Variants in BRD1 observed in about 807,000 individuals in gnomAD.
The protein encoded by BRD1 is bromodomain containing 1, also known as bromodomain-containing protein 1.
Under a neutral mutation model 107.7 loss-of-function variants are expected in BRD1, and 24 were observed. The ratio of observed to expected loss-of-function variants is 0.22; its 90% confidence interval spans 0.16 to 0.31. BRD1 has a LOEUF of 0.31. BRD1 is among the 10% of genes least tolerant of loss of function. BRD1 has a pLI of 1.00. For synonymous variants in BRD1, 744 were observed against 686.1 expected, an observed-to-expected ratio of 1.08 and a Z score of -1.32; for missense variants, 1,279 against 1,638.6, an observed-to-expected ratio of 0.78 and a Z score of 3.79.
At chr22:49,812,154 A>C (rs1204168300) in intron 2 of BRD1, among the ~76,000 whole-genome samples, 15 of 132,724 alleles carry the variant, frequency 1.1e-4, no homozygotes, top group Non-Finnish European at 2.3e-4. Context: ...CCCAGGCTGG[A>C]GTGCAATGGC....
intron 9 of BRD1, among the ~76,000 whole-genome samples, 170 bp downstream of exon 9, chr22:49,777,508 T>C (rs1306673119): frequency 6.6e-6 from 1 of 152,180 alleles, no homozygotes; most frequent in Non-Finnish European, 1.5e-5. Context: ...AGCAGATTAA[T>C]ATGCAGCATG....
At chr22:49,777,910 C>A in intron 8 of BRD1, 97 bp from the exon 9 acceptor site, 2 of 1,446,860 alleles carry the variant, frequency 1.4e-6, no homozygotes, top group Non-Finnish European at 1.8e-6. Context: ...TTACAAAGCA[C>A]GTTTCACAGA....
chr22:49,820,521 G>A (rs1319449600), intron 2 of BRD1, among the ~76,000 whole-genome samples: 1 of 152,158 alleles, frequency 6.6e-6, no homozygotes, highest in African/African-American at 2.4e-5. Flanking sequence ...CGGGAAGATC[G>A]CTTGAGTCCA....
chr22:49,784,293 C>T (rs1413706902), intron 8 of BRD1, among the ~76,000 whole-genome samples: 11 of 150,162 alleles, frequency 7.3e-5, no homozygotes, highest in East Asian at 6.0e-4. Flanking sequence ...GTCTCCGCAA[C>T]GGCGGCGAGT....
chr22:49,791,313 A>C (rs1008262839), intron 7 of BRD1, among the ~76,000 whole-genome samples: 39 of 152,360 alleles, frequency 2.6e-4, no homozygotes, highest in Admixed American at 7.8e-4. Context: ...AGTGCAGCCC[A>C]GGAGGCATCT....
intron 2 of BRD1, among the ~76,000 whole-genome samples, chr22:49,816,838 G>C (rs1352766677): frequency 6.6e-6 from 1 of 152,210 alleles, no homozygotes; most frequent in Non-Finnish European, 1.5e-5. Context: ...TACCCTGCAG[G>C]GAATAGTAAA....
chr22:49,812,022 A>G (rs1237414450), intron 2 of BRD1, among the ~76,000 whole-genome samples: 1 of 152,258 alleles, frequency 6.6e-6, no homozygotes, highest in Non-Finnish European at 1.5e-5. Context: ...AAATTTAAAA[A>G]TACGTTAAGA....
At chr22:49,787,015 G>T (rs1027004434) in intron 8 of BRD1, among the ~76,000 whole-genome samples, 2 of 152,032 alleles carry the variant, frequency 1.3e-5, no homozygotes, top group Non-Finnish European at 2.9e-5. Flanking sequence ...GATCACCTGA[G>T]CCCAGGAGTT....
intron 2 of BRD1, among the ~76,000 whole-genome samples, chr22:49,808,499 G>A (rs1029336905): frequency 5.9e-5 from 9 of 152,154 alleles, no homozygotes; most frequent in Non-Finnish European, 1.3e-4. Context: ...GGAGTAGAAC[G>A]GTGAACGCCC....
At chr22:49,786,971 G>A (rs1242944790) in intron 8 of BRD1, among the ~76,000 whole-genome samples, 1 of 152,054 alleles carries the variant, frequency 6.6e-6, no homozygotes, top group Non-Finnish European at 1.5e-5. Flanking sequence ...GTGTGCACCT[G>A]TAGTCCCAGC....
At chr22:49,786,325 C>CTAA (rs1490456646) in intron 8 of BRD1, among the ~76,000 whole-genome samples, 3 of 152,212 alleles carry the variant, frequency 2.0e-5, no homozygotes, top group African/African-American at 7.2e-5. Context: ...AGCTGCTCCT[C>CTAA]TTTAAAGGAC....
In BRD1 at chr22:49,797,791, G is replaced by A. The variant is rs2147139591; in HGVS notation, c.2098+14C>T. The stretch of plus-strand genomic sequence containing the variant: ...GCGTCTTCCACCTCCTCCGGACACG[G>A]CGCCAGTTCTTACCGTCTTCCCAGG... On this transcript the variant is annotated intron_variant, in intron 6 of 12. Transcript: ENST00000404760. The A allele has an allele frequency of 6.3e-7, 1 of 1,577,310 alleles. No homozygotes were observed. Among genetic ancestry groups the A allele is most frequent in the Admixed American group, 1.7e-5 (1 of 57,316 alleles).
At chr22:49,798,241 C>T (rs865780831) in intron 5 of BRD1, 124 bp from the exon 6 acceptor site, 59 of 1,064,166 alleles carry the variant, frequency 5.5e-5, no homozygotes, top group Admixed American at 4.0e-4. Flanking sequence ...GACACGCAGA[C>T]GGTACAGACA....
chr22:49,815,436 G>A (rs770740277), intron 2 of BRD1, among the ~76,000 whole-genome samples: 25 of 152,034 alleles, frequency 1.6e-4, no homozygotes, highest in Admixed American at 2.6e-4. Flanking sequence ...CCGGCTATTC[G>A]GGAGGCTGAG....
chr22:49,798,162 A>G lies in BRD1; in HGVS notation c.1786-45T>C, dbSNP rs145057121. ...AGAATCATTTACAAACTAAAACAGG[A>G]TATTAGTTGACTCTATATTTATTAT... On this transcript the variant is annotated intron_variant, in intron 5 of 12. Coordinates refer to ENST00000404760, the MANE Select transcript of BRD1 (RefSeq NM_001304808.3). 186 of 1,494,850 alleles carry G rather than the reference A, an allele frequency of 1.2e-4. No homozygotes were observed. The African/African-American group carries it at 1.7e-3, about 14-fold the overall frequency. The allele number at this position is 1,494,850 out of a possible 1,614,324, so 92.6% of individuals were successfully genotyped here.
At position 49,777,021 on chromosome 22, in the gene BRD1, C is replaced by A; in HGVS notation, c.3121+13G>T. 1 of 1,612,934 alleles carries A rather than the reference C, an allele frequency of 6.2e-7. No homozygotes were observed. Among genetic ancestry groups the A allele is most frequent in the Non-Finnish European group, 8.5e-7 (1 of 1,179,982 alleles). On this transcript the variant is annotated intron_variant, in intron 10 of 12. Transcript: ENST00000404760. ...GGTGTGGAGAGCCATGGAGGCAGGT[C>A]CGGGCGACTCACCGGCTGCGATCCT... is the stretch of plus-strand genomic sequence containing the variant.
chr22:49,824,006 G>A lies in BRD1; in HGVS notation c.312C>T (p.Leu104=), dbSNP rs748819067. ...NNRVKKKNEA[L]PSAHGTPASA... is the part of the protein sequence containing the mutation. ...AGGCCGGCGTGCCGTGGGCGCTGGG[G>A]AGGGCCTCGTTTTTCTTTTTGACTC... The change falls in exon 2 of 13, where the codon CTC becomes CTT. Residue 104 remains leucine (L), a synonymous_variant. Transcript: ENST00000404760. This position sits in a 1 kb window ranked among gnomAD's most constrained non-coding sequence, Gnocchi z 5.9. 6.2e-7 allele frequency: 1 copy of A among 1,613,884 alleles called. No homozygotes were observed. Among genetic ancestry groups the A allele is most frequent in the Non-Finnish European group, 8.5e-7 (1 of 1,180,046 alleles).
chr22:49,818,864 T>C (rs1170692950), intron 2 of BRD1, among the ~76,000 whole-genome samples: 2 of 150,238 alleles, frequency 1.3e-5, no homozygotes, highest in African/African-American at 2.5e-5. Flanking sequence ...CCAGCCTAGG[T>C]GACAGAGCAA....
At chr22:49,811,585 G>A (rs1210195424) in intron 2 of BRD1, among the ~76,000 whole-genome samples, 1 of 152,216 alleles carries the variant, frequency 6.6e-6, no homozygotes, top group East Asian at 1.9e-4. Flanking sequence ...GCTCCCGGCA[G>A]GCAGGACACG....
Sources: allele counts gnomAD v4.1 joint callset (sites outside exome capture counted in the v4.1 genomes callset), GRCh38; gene constraint gnomAD v4.1.1; non-coding constraint Gnocchi (gnomAD v3.1); transcripts MANE v1.5; gene names NCBI Gene and HGNC (gene_info 2026-07-23, HGNC 2026-07-21).